Variants in ZNF385D observed in about 807,000 individuals in gnomAD.
ZNF385D encodes zinc finger protein 659.
In ZNF385D, 15 loss-of-function variants were observed where a neutral mutation model predicts 35.8. The ratio of observed to expected loss-of-function variants is 0.42; its 90% CI spans 0.28 to 0.64. The LOEUF (loss-of-function observed/expected upper bound fraction) is 0.64, where lower values mean the gene tolerates loss of function less well. Among genes scored for constraint, ZNF385D ranks in the 30% least tolerant of loss-of-function variants. The pLI is 0.23. For missense variants in ZNF385D, 474 were observed against 494.6 expected, an observed-to-expected ratio of 0.96 and a Z score of 0.39; for synonymous variants, 212 against 186.8, an observed-to-expected ratio of 1.13 and a Z score of -1.10.
At chr3:22,071,415 C>A (rs539901905) in intron 3 of ZNF385D, among the ~76,000 whole-genome samples, 1 of 152,112 alleles carries the variant, frequency 6.6e-6, no homozygotes. Flanking sequence ...TATTATCCAG[C>A]TTCATACTAG....
intron 3 of ZNF385D, among the ~76,000 whole-genome samples, chr3:22,072,623 A>G (rs1473808083): frequency 6.6e-6 from 1 of 152,084 alleles, no homozygotes; most frequent in Admixed American, 6.6e-5. Flanking sequence ...AAAACTAAAA[A>G]GAATCAAAGG....
At chr3:21,629,337 G>A (rs1385966344) in intron 2 of ZNF385D, among the ~76,000 whole-genome samples, 1 of 152,046 alleles carries the variant, frequency 6.6e-6, no homozygotes, top group African/African-American at 2.4e-5. Flanking sequence ...GATCCTCCCT[G>A]CATAGCATTC....
intron 3 of ZNF385D, among the ~76,000 whole-genome samples, chr3:21,531,509 G>C (rs2061921481): frequency 6.6e-6 from 1 of 152,106 alleles, no homozygotes. Flanking sequence ...AAACAACCAA[G>C]TTGTCCTTCA....
intron 2 of ZNF385D, among the ~76,000 whole-genome samples, chr3:21,645,963 C>A (rs1280984246): frequency 6.6e-6 from 1 of 152,086 alleles, no homozygotes; most frequent in Admixed American, 6.6e-5. Flanking sequence ...TCTTCTACCT[C>A]AAAATGCAGC....
chr3:21,561,576 G>A (rs1378569039), intron 3 of ZNF385D, among the ~76,000 whole-genome samples: 1 of 152,092 alleles, frequency 6.6e-6, no homozygotes, highest in Non-Finnish European at 1.5e-5. Context: ...CTGCAGACTG[G>A]AGCTGTTTCT....
At chr3:21,824,858 A>C (rs1694499767) in intron 3 of ZNF385D, among the ~76,000 whole-genome samples, 1 of 152,204 alleles carries the variant, frequency 6.6e-6, no homozygotes, top group Non-Finnish European at 1.5e-5. Flanking sequence ...CCATAGGGAA[A>C]TGGTGGAGAA....
chr3:22,347,302 A>T lies in ZNF385D; in HGVS notation c.106+25148T>A, dbSNP rs1462914648. Among the ~76,000 whole-genome samples, 13 of 152,216 alleles carry T rather than the reference A, an allele frequency of 8.5e-5. No homozygotes were observed. In the South Asian group the frequency reaches 1.2e-3, roughly 15 times the overall value. ...ATTTATAAGAAAATATTTTGTTGGT[A>T]GCATTAGAACCCAGTTATTTCAGGT... On this transcript the variant is annotated intron_variant, in intron 2 of 5. Coordinates refer to the ZNF385D transcript ENST00000494108.
intron 6 of ZNF385D, among the ~76,000 whole-genome samples, chr3:21,424,643 C>T (rs58362656): frequency 0.58 from 84,709 of 145,702 alleles, 26,106 homozygotes; most frequent in East Asian, 0.92. Flanking sequence ...CAAATAGTAG[C>T]GTCTTTTTTT....
rs1253829195 is a variant in ZNF385D, at chr3:21,886,831, T to C, written c.326-221803A>G. Among the ~76,000 whole-genome samples the C allele has an allele frequency of 4.6e-5, 7 of 152,162 alleles. 1 individual carries two copies. Among genetic ancestry groups the C allele is most frequent in the Admixed American group, 1.3e-4 (2 of 15,264 alleles). ...ATATTTTTAAATAGTTCTCCCTACC[T>C]AATGACATTAACTTAATTTTTCCCT... On this transcript the variant is annotated intron_variant, in intron 3 of 5. Coordinates refer to the ZNF385D transcript ENST00000494108.
intron 3 of ZNF385D, among the ~76,000 whole-genome samples, chr3:21,995,999 G>A (rs2125404740): frequency 6.6e-6 from 1 of 152,188 alleles, no homozygotes; most frequent in Non-Finnish European, 1.5e-5. Flanking sequence ...TCGTGATCCT[G>A]CAGCCCTTTG....
chr3:21,997,379 T>A (rs886208744), intron 3 of ZNF385D, among the ~76,000 whole-genome samples: 9 of 151,998 alleles, frequency 5.9e-5, no homozygotes, highest in Non-Finnish European at 1.3e-4. Flanking sequence ...GGGATAGCAT[T>A]AGGAGATATA....
In ZNF385D at chr3:21,961,460, G is replaced by A. The variant is rs115164236; in HGVS notation, c.325+207357C>T. ...GTTTAAAAAGAAGCCAGTTTAATTA[G>A]AAATATGAAGTAACTATTGAATTGT... On this transcript the variant is annotated intron_variant, in intron 3 of 5. Transcript: ENST00000494108. 1.7e-4 allele frequency: 26 copies of A among 152,176 alleles called. 1 individual carries two copies. The highest frequency in any genetic ancestry group is 5.8e-4 in the African/African-American group (24 of 41,534). The allele number at this position is 152,176 out of a possible 1,614,324, so 9.4% of individuals were successfully genotyped here. A position where few individuals can be genotyped will look rare whatever the true frequency, so the allele number is the denominator to read the frequency against.
intron 2 of ZNF385D, among the ~76,000 whole-genome samples, chr3:21,580,759 G>A (rs193082396): frequency 5.3e-5 from 8 of 151,558 alleles, no homozygotes; most frequent in Admixed American, 4.0e-4. Flanking sequence ...AAATGCAAAT[G>A]TACATATATA....
At chr3:22,122,424 G>T (rs745421262) in intron 3 of ZNF385D, among the ~76,000 whole-genome samples, 7 of 152,004 alleles carry the variant, frequency 4.6e-5, no homozygotes, top group Non-Finnish European at 1.0e-4. Context: ...TAAAATTATA[G>T]TAAGTATATC....
intron 3 of ZNF385D, among the ~76,000 whole-genome samples, chr3:21,989,558 A>G (rs894327249): frequency 1.3e-5 from 2 of 152,220 alleles, no homozygotes; most frequent in Non-Finnish European, 2.9e-5. Context: ...ATTTGAATAA[A>G]TGATGAAATA....
chr3:21,944,115 G>T (rs1701663432), intron 3 of ZNF385D, among the ~76,000 whole-genome samples: 1 of 152,016 alleles, frequency 6.6e-6, no homozygotes. Flanking sequence ...TTTTTAAATG[G>T]AATAAAAATT....
intron 1 of ZNF385D, among the ~76,000 whole-genome samples, chr3:21,750,537 T>G (rs2070018237): frequency 6.6e-6 from 1 of 152,170 alleles, no homozygotes; most frequent in African/African-American, 2.4e-5. Context: ...GTATAGAAAC[T>G]TTGTTTCACA....
At chr3:21,691,132 C>G (rs2067271008) in intron 1 of ZNF385D, among the ~76,000 whole-genome samples, 1 of 152,086 alleles carries the variant, frequency 6.6e-6, no homozygotes, top group African/African-American at 2.4e-5. Context: ...ACCCTCAATT[C>G]CCTCAACTCT....
intron 3 of ZNF385D, among the ~76,000 whole-genome samples, chr3:21,831,045 C>T (rs775913927): frequency 2.0e-5 from 3 of 152,068 alleles, no homozygotes; most frequent in African/African-American, 4.8e-5. Context: ...ATGTACCCAG[C>T]GAGACTGGAG....
Sources: gnomAD v4.1 joint callset for allele counts (sites outside exome capture counted in the v4.1 genomes callset) on GRCh38, gnomAD v4.1.1 for gene constraint, MANE v1.5 for transcripts, NCBI Gene and HGNC (gene_info 2026-07-23, HGNC 2026-07-21) for gene names.